NTRK1: variants seen among roughly 807,000 people sequenced by gnomAD.
The protein encoded by NTRK1 is high affinity nerve growth factor receptor.
In NTRK1, 62 loss-of-function variants were observed where a neutral mutation model predicts 86.8. The observed-to-expected ratio is 0.71, with a 90% CI of 0.58 to 0.88. NTRK1 has a LOEUF of 0.88. NTRK1 is among the 40% of genes least tolerant of loss of function. The pLI, the probability that NTRK1 is intolerant of heterozygous loss-of-function variation, is 0.00. For synonymous variants in NTRK1, 469 were observed against 456.6 expected, an observed-to-expected ratio of 1.03 and a Z score of -0.35; for missense variants, 967 against 1,078.4, an observed-to-expected ratio of 0.90 and a Z score of 1.45.
intron 1 of NTRK1, chr1:156,816,047 C>G (rs1158556503): frequency 1.2e-6 from 2 of 1,614,090 alleles, no homozygotes; most frequent in East Asian, 2.2e-5. Flanking sequence ...CGGGTCATGT[C>G]TGTGATCTGG....
At chr1:156,880,256 C>A in intron 16 of NTRK1, 99 bp downstream of exon 16, 1 of 1,362,898 alleles carries the variant, frequency 7.3e-7, no homozygotes, top group Non-Finnish European at 1.0e-6. Flanking sequence ...GCCCCTCTGC[C>A]ACAGCCTGTT....
chr1:156,822,188 G>A (rs1654208201), intron 1 of NTRK1, among the ~76,000 whole-genome samples: 1 of 152,170 alleles, frequency 6.6e-6, no homozygotes, highest in Non-Finnish European at 1.5e-5. Context: ...CTCTCATTAT[G>A]TTCAGCTCCC....
At chr1:156,835,389 C>G (rs1381703316) in intron 1 of NTRK1, among the ~76,000 whole-genome samples, 2 of 152,056 alleles carry the variant, frequency 1.3e-5, no homozygotes, top group African/African-American at 4.8e-5. Context: ...GCCTATAAGG[C>G]TCTGTGCACT....
At chr1:156,849,513 G>GGGGGGGGGGGGGGGGA in intron 2 of NTRK1, 1 of 486,122 alleles carries the variant, frequency 2.1e-6, no homozygotes, top group Non-Finnish European at 4.1e-6. Context: ...CAGGGGGTGG[G>GGGGGGGGGGGGGGGGA]AAAGGGGATG....
upstream of NTRK1, chr1:156,858,508 G>T: frequency 6.3e-7 from 1 of 1,581,222 alleles, no homozygotes; most frequent in South Asian, 1.1e-5. Context: ...AGGGAGGTAG[G>T]GGTCTGGGAG....
chr1:156,851,343 G>A (rs757549824), intron 2 of NTRK1: 2 of 1,614,134 alleles, frequency 1.2e-6, no homozygotes, highest in Non-Finnish European at 1.7e-6. Context: ...AAAAGCCCAG[G>A]GACACGAGGG....
At chr1:156,872,781 T>TTC (rs982457702) in intron 7 of NTRK1, among the ~76,000 whole-genome samples, 6 of 151,688 alleles carry the variant, frequency 4.0e-5, no homozygotes, top group African/African-American at 1.5e-4. Context: ...GTTCACGTCA[T>TTC]TCTCCTGCTT....
In NTRK1 at chr1:156,861,156, C is replaced by T. The variant is rs183517027; in HGVS notation, c.212+10C>T. 1.5e-3 allele frequency: 2,370 copies of T among 1,552,690 alleles called. 3 individuals are homozygous for T. The highest frequency in any genetic ancestry group is 2.3e-3 in the Admixed American group (125 of 53,418). On this transcript the variant is annotated intron_variant, in intron 1 of 16. Coordinates refer to ENST00000524377, the MANE Select transcript of NTRK1 (RefSeq NM_002529.4). ...AGAACCTGACTGAGCTGTGAGTGTC[C>T]GGCGGGCGGTGGGGGGGCGCGGGGA...
At position 156,833,892 on chromosome 1, in the gene NTRK1, C is replaced by T. The variant is rs550522136; in HGVS notation, c.-63-8189C>T. Among the ~76,000 whole-genome samples the T allele has an allele frequency of 4.2e-4, 64 of 152,334 alleles. No homozygotes were observed. The South Asian group carries it at 0.013, about 32-fold the overall frequency. On this transcript the variant is annotated intron_variant, in intron 1 of 16. Coordinates refer to the NTRK1 transcript ENST00000392302. ...CCTCCTCCTCTGAGGGACTCCACCTCTATAGGGTCCCTTTCTTGCATTTTT... is the reference window on the plus strand; with the variant it reads ...CCTCCTCCTCTGAGGGACTCCACCTTTATAGGGTCCCTTTCTTGCATTTTT...
chr1:156,866,078 G>T (rs1328412861), intron 3 of NTRK1, among the ~76,000 whole-genome samples: 1 of 152,198 alleles, frequency 6.6e-6, no homozygotes. Flanking sequence ...TCTGGACTGA[G>T]GTCACACAGC....
intron 2 of NTRK1, chr1:156,851,452 G>A (rs549089046): frequency 1.9e-6 from 3 of 1,614,070 alleles, no homozygotes; most frequent in South Asian, 1.1e-5. Context: ...TGGGAAGACA[G>A]GGCTGGAGTA....
Position 156,821,458 on chromosome 1 carries a change from T to TGTGG in NTRK1, c.-64+5623_-64+5624insGGTG, listed in dbSNP as rs1491012517. Among the ~76,000 whole-genome samples, 4 of 95,112 alleles carry TGTGG rather than the reference T, an allele frequency of 4.2e-5. No individual in the cohort carries two copies. In the East Asian group the frequency reaches 1.0e-3, roughly 24 times the overall value. 62.4% of individuals were successfully genotyped at this position (95,112 alleles called of 152,430 possible). On this transcript the variant is annotated intron_variant, in intron 1 of 16. Transcript: ENST00000392302. ...CAGAGGCCCCCTAATTTAGCCTGTGTGTGTGTGTGTGTGTGTGTGTGTGTG... is the reference window on the plus strand; with the variant it reads ...CAGAGGCCCCCTAATTTAGCCTGTGTGTGGGTGTGTGTGTGTGTGTGTGTGTGTG...
intron 2 of NTRK1, chr1:156,851,963 C>A: frequency 6.2e-7 from 1 of 1,607,552 alleles, no homozygotes; most frequent in Non-Finnish European, 8.5e-7. Context: ...GGTGGAGGCA[C>A]GGCCGGGCAC....
chr1:156,846,615 C>T (rs373532258), intron 2 of NTRK1: 142 of 1,614,028 alleles, frequency 8.8e-5, no homozygotes, highest in Non-Finnish European at 1.1e-4. Flanking sequence ...ACAAACACTG[C>T]GTACTGTGTC....
At chr1:156,874,436 G>C in intron 9 of NTRK1, 36 bp downstream of exon 9, 2 of 1,614,070 alleles carry the variant, frequency 1.2e-6, no homozygotes, top group Non-Finnish European at 8.5e-7. Context: ...GTTCTGCCTG[G>C]TCTCTGGAGC....
At chr1:156,831,027 C>G (rs2102842047) in intron 1 of NTRK1, among the ~76,000 whole-genome samples, 1 of 152,362 alleles carries the variant, frequency 6.6e-6, no homozygotes, top group African/African-American at 2.4e-5. Flanking sequence ...GGCTTTATCT[C>G]TCCCTTCAAC....
rs758757477 is a variant in NTRK1 at position 156,873,874 on chromosome 1, C to G, written c.1092C>G (p.Ala364=). 1 of 1,596,230 alleles carries G rather than the reference C, an allele frequency of 6.3e-7. No homozygotes were observed. The highest frequency in any genetic ancestry group is 8.5e-7 in the Non-Finnish European group (1 of 1,171,002). The part of the protein sequence containing the change: ...VNNGNYTLLA[A]NPFGQASASI... ...ACGGCAACTACACGCTGCTGGCTGC[C>G]AACCCCTTCGGCCAGGCCTCCGCCT... Residue 364 remains alanine, a synonymous_variant, in exon 8 of 17, where the codon GCC becomes GCG. Coordinates refer to ENST00000524377, the MANE Select transcript of NTRK1 (RefSeq NM_002529.4).
At position 156,864,751 on chromosome 1, in the gene NTRK1, G is replaced by A. The variant is rs578095133; in HGVS notation, c.311G>A (p.Arg104His). ...RNLTIVKSGL[R>H]FVAPDAFHFT... ...AGCACCATCGTGAAGAGTGGTCTCC[G>A]TTTCGTGGCGCCAGATGCCTTCCAT... Residue 104 changes from arginine (R) to histidine (H), a missense_variant, in exon 3 of 17, where the codon CGT (arginine) becomes CAT (histidine). Physicochemically the swap from Arg to His is conservative, Grantham distance 29. Transcript: ENST00000524377. 38 of 1,613,994 alleles carry A rather than the reference G, an allele frequency of 2.4e-5. No individual in the cohort carries two copies. Among genetic ancestry groups the A allele is most frequent in the South Asian group, 2.0e-4 (18 of 91,064 alleles).
intron 2 of NTRK1, chr1:156,842,206 G>T: frequency 6.2e-7 from 1 of 1,614,034 alleles, no homozygotes; most frequent in Non-Finnish European, 8.5e-7. Flanking sequence ...AGGCCATGCC[G>T]TCTGCAATCT....
Sources: gnomAD v4.1 joint callset for allele counts (sites outside exome capture counted in the v4.1 genomes callset) on GRCh38, gnomAD v4.1.1 for gene constraint, MANE v1.5 for transcripts, NCBI Gene and HGNC (gene_info 2026-07-23, HGNC 2026-07-21) for gene names.